RNF220: variants seen among roughly 807,000 people sequenced by gnomAD.
The protein encoded by RNF220 is ring finger protein 220, also known as E3 ubiquitin-protein ligase RNF220.
In RNF220, 7 loss-of-function variants were observed where a neutral mutation model predicts 67.1. That is an observed-to-expected ratio of 0.10 (90% CI 0.06 to 0.20). The LOEUF is 0.20. Ranked by LOEUF, RNF220 falls within the 10% of genes least tolerant of loss-of-function variation. The pLI, the probability that RNF220 is intolerant of heterozygous loss-of-function variation, is 1.00. For missense variants in RNF220, 565 were observed against 740.3 expected, an observed-to-expected ratio of 0.76 and a Z score of 2.75; for synonymous variants, 270 against 283.2, an observed-to-expected ratio of 0.95 and a Z score of 0.47.
chr1:44,575,627 A>G (rs1167040938), intron 2 of RNF220, among the ~76,000 whole-genome samples: 3 of 152,252 alleles, frequency 2.0e-5, no homozygotes, highest in East Asian at 1.9e-4. Context: ...TAGAATGGCT[A>G]TTATTAAAAA....
In RNF220 at chr1:44,645,444, G is replaced by A. The variant is rs764749704; in HGVS notation, c.1401G>A (p.Lys467=). 5 of 1,614,114 alleles carry A rather than the reference G, an allele frequency of 3.1e-6. No homozygotes were observed. In the Admixed American group the frequency reaches 8.3e-5, roughly 27 times the overall value. ...MPSTSNGESS[K]QEAMQKTCKN... Reference sequence around the variant, plus strand: ...CCACCAGCAATGGTGAAAGCAGCAAGCAGGAGGCCATGCAGAAGACCTGCA... The same window carrying A: ...CCACCAGCAATGGTGAAAGCAGCAAACAGGAGGCCATGCAGAAGACCTGCA... The change falls in exon 12 of 15, where the codon AAG becomes AAA. Residue 467 remains lysine, a synonymous_variant. Transcript: ENST00000361799. This position sits in a 1 kb window ranked among gnomAD's most constrained non-coding sequence, Gnocchi z 5.0.
intron 2 of RNF220, among the ~76,000 whole-genome samples, chr1:44,439,279 T>C (rs1032848971): frequency 6.6e-6 from 1 of 152,192 alleles, no homozygotes; most frequent in South Asian, 2.1e-4. Flanking sequence ...ATTTAATCTG[T>C]ATTTCTTTAG....
intron 2 of RNF220, among the ~76,000 whole-genome samples, chr1:44,569,369 C>T (rs963231620): frequency 1.3e-5 from 2 of 152,118 alleles, no homozygotes; most frequent in South Asian, 2.1e-4. Context: ...GAAAATTACA[C>T]GTAACATTGC....
chr1:44,564,229 C>T (rs1572894222), intron 2 of RNF220, among the ~76,000 whole-genome samples: 1 of 152,164 alleles, frequency 6.6e-6, no homozygotes, highest in Non-Finnish European at 1.5e-5. Context: ...TTGTCACTGC[C>T]ACCCTTATTC....
intron 2 of RNF220, among the ~76,000 whole-genome samples, chr1:44,428,212 A>G (rs1649996077): frequency 6.6e-6 from 1 of 152,164 alleles, no homozygotes; most frequent in African/African-American, 2.4e-5. Flanking sequence ...AGTAAGCCAG[A>G]AGGAATTTTT....
intron 2 of RNF220, among the ~76,000 whole-genome samples, chr1:44,482,326 C>G (rs898488916): frequency 7.9e-5 from 12 of 152,164 alleles, no homozygotes; most frequent in African/African-American, 2.9e-4. Flanking sequence ...ATCCCTGGGG[C>G]TCCCTTCTCA....
intron 2 of RNF220, among the ~76,000 whole-genome samples, chr1:44,481,636 T>C (rs7556141): frequency 0.11 from 16,297 of 152,092 alleles, 2,404 homozygotes; most frequent in African/African-American, 0.34. Flanking sequence ...GCACGTTCTG[T>C]ACATGTATCC....
chr1:44,625,708 A>G (rs115699811), intron 4 of RNF220, among the ~76,000 whole-genome samples: 2,597 of 152,106 alleles, frequency 0.017, 70 homozygotes, highest in African/African-American at 0.06. Context: ...TTTCAAGCAG[A>G]CAGTTTATTA....
intron 8 of RNF220, among the ~76,000 whole-genome samples, chr1:44,636,990 C>T (rs1231604667): frequency 6.6e-6 from 1 of 152,266 alleles, no homozygotes; most frequent in East Asian, 1.9e-4. Context: ...CAGCTCTTCT[C>T]TCTTTCTGTG....
intron 2 of RNF220, among the ~76,000 whole-genome samples, chr1:44,580,048 AAAAAAAAAAGAAAGAAAAGAAAG>A (rs1665138354): frequency 7.0e-6 from 1 of 142,866 alleles, no homozygotes; most frequent in Admixed American, 6.8e-5. Context: ...AAAAAAAAAA[AAAAAAAAAAGAAAGAAAAGAAAG>A]AAAGAAAGAA....
At chr1:44,503,599 G>A (rs372056533) in intron 2 of RNF220, among the ~76,000 whole-genome samples, 3 of 152,078 alleles carry the variant, frequency 2.0e-5, no homozygotes, top group East Asian at 1.9e-4. Context: ...CCCCTGTTCC[G>A]CCCTCTGCCA....
At chr1:44,610,731 C>T (rs1643260435) in intron 2 of RNF220, among the ~76,000 whole-genome samples, 2 of 152,126 alleles carry the variant, frequency 1.3e-5, no homozygotes, top group Admixed American at 1.3e-4. Context: ...CAATGGGCAG[C>T]TGAACTAAGG....
intron 2 of RNF220, among the ~76,000 whole-genome samples, chr1:44,532,702 T>A (rs1266273966): frequency 6.6e-6 from 1 of 152,238 alleles, no homozygotes; most frequent in Non-Finnish European, 1.5e-5. Context: ...ACTTGAGTGC[T>A]TGTTGTATGA....
At chr1:44,635,704 C>T (rs757550020) in intron 7 of RNF220, 116 bp downstream of exon 7, 1 of 1,549,146 alleles carries the variant, frequency 6.5e-7, no homozygotes, top group Non-Finnish European at 8.7e-7. Flanking sequence ...CTTCCCCGCT[C>T]CCTTCCCCCG....
chr1:44,580,622 G>A (rs1270030093), intron 2 of RNF220, among the ~76,000 whole-genome samples: 1 of 152,248 alleles, frequency 6.6e-6, no homozygotes, highest in Non-Finnish European at 1.5e-5. Flanking sequence ...GATGTCTGGA[G>A]CCTCCTGGCC....
At chr1:44,576,235 G>T (rs1664794561) in intron 2 of RNF220, among the ~76,000 whole-genome samples, 1 of 152,206 alleles carries the variant, frequency 6.6e-6, no homozygotes, top group Admixed American at 6.5e-5. Context: ...GATAGTGGTA[G>T]ATAAGGCAGA....
intron 2 of RNF220, among the ~76,000 whole-genome samples, chr1:44,495,440 A>G (rs1458928478): frequency 6.6e-6 from 1 of 152,238 alleles, no homozygotes; most frequent in Non-Finnish European, 1.5e-5. Flanking sequence ...AATACAGACA[A>G]CTTAAAAAGT....
chr1:44,434,588 G>T (rs958487585), intron 2 of RNF220, among the ~76,000 whole-genome samples: 2 of 151,718 alleles, frequency 1.3e-5, no homozygotes, highest in Non-Finnish European at 2.9e-5. Flanking sequence ...ATGGTGGTGG[G>T]CGCCTGTAGT....
intron 6 of RNF220, 55 bp downstream of exon 6, chr1:44,632,440 CCTCACTGCCTGCCG>C: frequency 6.7e-7 from 1 of 1,488,756 alleles, no homozygotes; most frequent in Non-Finnish European, 9.1e-7. Context: ...TCCCTCCCTC[CCTCACTGCCTGCCG>C]CTCCTGGCTT....
Sources: allele counts gnomAD v4.1 joint callset (sites outside exome capture counted in the v4.1 genomes callset), GRCh38; gene constraint gnomAD v4.1.1; non-coding constraint Gnocchi (gnomAD v3.1); transcripts MANE v1.5; gene names NCBI Gene and HGNC (gene_info 2026-07-23, HGNC 2026-07-21).